The following LRBA variants were observed in gnomAD, a reference collection of about 807,000 sequenced individuals.
LRBA encodes LPS responsive beige-like anchor protein, also known as lipopolysaccharide-responsive and beige-like anchor protein.
LRBA carries 176 observed loss-of-function variants against 330.0 expected under a neutral mutation model. The ratio of observed to expected loss-of-function variants is 0.53; its 90% CI spans 0.47 to 0.60. The LOEUF (loss-of-function observed/expected upper bound fraction) is 0.60. Among genes scored for constraint, LRBA ranks in the 20% least tolerant of loss-of-function variants. The pLI is 0.00. For synonymous variants in LRBA, 1,230 were observed against 1,193.0 expected, an observed-to-expected ratio of 1.03 and a Z score of -0.64; for missense variants, 3,259 against 3,444.8, an observed-to-expected ratio of 0.95 and a Z score of 1.35.
intron 36 of LRBA, among the ~76,000 whole-genome samples, chr4:150,723,550 C>G (rs1292291350): frequency 6.6e-6 from 1 of 152,144 alleles, no homozygotes; most frequent in South Asian, 2.1e-4. Context: ...CCTGAATAAC[C>G]AGCAGTGATA....
intron 47 of LRBA, among the ~76,000 whole-genome samples, chr4:150,389,290 GA>G (rs1743535977): frequency 6.6e-6 from 1 of 152,054 alleles, no homozygotes; most frequent in African/African-American, 2.4e-5. Flanking sequence ...GGAGGTTGGG[GA>G]TGCAGTGAGC....
At chr4:150,307,937 TC>T (rs1165002820) in intron 52 of LRBA, among the ~76,000 whole-genome samples, 1 of 152,072 alleles carries the variant, frequency 6.6e-6, no homozygotes, top group Non-Finnish European at 1.5e-5. Context: ...TGTCATCAAT[TC>T]CATATAACAA....
At chr4:150,925,925 AAC>A (rs1456143781) in intron 4 of LRBA, among the ~76,000 whole-genome samples, 1 of 152,210 alleles carries the variant, frequency 6.6e-6, no homozygotes, top group African/African-American at 2.4e-5. Flanking sequence ...ATCAAACAAA[AAC>A]AGTTTTCAGT....
chr4:150,529,342 T>C (rs1488298288), intron 40 of LRBA, among the ~76,000 whole-genome samples: 1 of 152,184 alleles, frequency 6.6e-6, no homozygotes, highest in African/African-American at 2.4e-5. Flanking sequence ...GGTATCCAAG[T>C]ATTTTGTTAA....
intron 47 of LRBA, among the ~76,000 whole-genome samples, chr4:150,363,822 G>C (rs1739056470): frequency 6.6e-6 from 1 of 152,180 alleles, no homozygotes; most frequent in African/African-American, 2.4e-5. Flanking sequence ...AAATTCTTCT[G>C]ATTTACCGCA....
At chr4:150,445,406 T>TATAC (rs1477615181) in intron 44 of LRBA, among the ~76,000 whole-genome samples, 5 of 137,042 alleles carry the variant, frequency 3.6e-5, no homozygotes, top group Admixed American at 7.3e-5. Flanking sequence ...TATATATATA[T>TATAC]ATATACATAT....
intron 48 of LRBA, among the ~76,000 whole-genome samples, chr4:150,346,489 C>T (rs1013519390): frequency 1.3e-5 from 2 of 151,778 alleles, no homozygotes; most frequent in African/African-American, 2.4e-5. Context: ...TGGCCGGGTG[C>T]GGTGGCTCAT....
At chr4:150,347,721 T>G (rs1736582155) in intron 48 of LRBA, among the ~76,000 whole-genome samples, 1 of 152,142 alleles carries the variant, frequency 6.6e-6, no homozygotes, top group African/African-American at 2.4e-5. Flanking sequence ...CAATTTTATT[T>G]GAAATTATAA....
intron 37 of LRBA, among the ~76,000 whole-genome samples, chr4:150,632,532 T>C (rs1561447830): frequency 6.6e-6 from 1 of 152,122 alleles, no homozygotes; most frequent in Non-Finnish European, 1.5e-5. Context: ...AGCAAACAAG[T>C]CAAATAAGAT....
At chr4:150,979,714 A>T (rs2149601834) in intron 2 of LRBA, among the ~76,000 whole-genome samples, 2 of 152,310 alleles carry the variant, frequency 1.3e-5, no homozygotes, top group Non-Finnish European at 2.9e-5. Context: ...ATAAGATAGT[A>T]TTTGCAAGCT....
At chr4:150,724,903 T>TACACAC (rs775904309) in intron 36 of LRBA, among the ~76,000 whole-genome samples, 5 of 145,498 alleles carry the variant, frequency 3.4e-5, no homozygotes, top group African/African-American at 1.3e-4. Context: ...TGTATATATA[T>TACACAC]ACACACACAC....
rs185581683 is a variant in LRBA at position 150,767,491 on chromosome 4, A to T, written c.5581-5644T>A. Among the ~76,000 whole-genome samples the T allele has an allele frequency of 1.1e-3, 161 of 151,948 alleles. No homozygotes were observed. The East Asian group carries it at 0.026, about 24-fold the overall frequency. On this transcript the variant is annotated intron_variant, in intron 34 of 56. Coordinates refer to ENST00000651943, the MANE Select transcript of LRBA (RefSeq NM_001364905.1). ...TTAACATAACTTTTAGTATTAAAAA[A>T]TTTTTTTTCTGTAATCCCAGAACTT...
intron 40 of LRBA, among the ~76,000 whole-genome samples, chr4:150,522,158 G>T (rs1762981861): frequency 6.6e-6 from 1 of 152,058 alleles, no homozygotes; most frequent in Admixed American, 6.6e-5. Flanking sequence ...GGGCCCCAAG[G>T]ATGGTGTCAT....
At chr4:150,557,000 T>C (rs1182066359) in intron 40 of LRBA, among the ~76,000 whole-genome samples, 1 of 152,184 alleles carries the variant, frequency 6.6e-6, no homozygotes. Context: ...TTTCACCCGG[T>C]ACCCACATCT....
intron 44 of LRBA, among the ~76,000 whole-genome samples, chr4:150,457,888 T>C (rs765188264): frequency 1.3e-4 from 19 of 151,944 alleles, no homozygotes; most frequent in Non-Finnish European, 2.5e-4. Flanking sequence ...TAATAATAAA[T>C]AGTCACTCCA....
chr4:150,842,794 A>G (rs1246979509), intron 28 of LRBA, among the ~76,000 whole-genome samples: 1 of 152,156 alleles, frequency 6.6e-6, no homozygotes, highest in Non-Finnish European at 1.5e-5. Flanking sequence ...TAACTCCCTC[A>G]TAGAATTATT....
chr4:150,934,062 G>A (rs999984813), intron 2 of LRBA, among the ~76,000 whole-genome samples: 3 of 151,580 alleles, frequency 2.0e-5, no homozygotes, highest in Non-Finnish European at 4.4e-5. Context: ...CCACTGATGT[G>A]AACTGTAGAG....
intron 2 of LRBA, among the ~76,000 whole-genome samples, chr4:151,009,629 A>G (rs950116185): frequency 2.0e-5 from 3 of 151,712 alleles, no homozygotes; most frequent in Non-Finnish European, 4.4e-5. Flanking sequence ...GCAGGAGAGC[A>G]GCTTAAGCCC....
intron 53 of LRBA, among the ~76,000 whole-genome samples, chr4:150,302,180 T>C (rs1729762274): frequency 6.6e-6 from 1 of 152,208 alleles, no homozygotes; most frequent in African/African-American, 2.4e-5. Flanking sequence ...CACATTGGCC[T>C]TTTATGACCT....
Sources: gnomAD v4.1 joint callset for allele counts (sites outside exome capture counted in the v4.1 genomes callset) on GRCh38, gnomAD v4.1.1 for gene constraint, MANE v1.5 for transcripts, NCBI Gene and HGNC (gene_info 2026-07-23, HGNC 2026-07-21) for gene names.